The following HPSE2 variants were observed in gnomAD, a reference collection of about 807,000 sequenced individuals.
HPSE2 encodes heparanase 2 (inactive).
Under a neutral mutation model 60.5 loss-of-function variants are expected in HPSE2, and 38 were observed. That is an observed-to-expected ratio of 0.63 (90% CI 0.48 to 0.82). The LOEUF (loss-of-function observed/expected upper bound fraction) is 0.82. Among genes scored for constraint, HPSE2 ranks in the 40% least tolerant of loss-of-function variants. HPSE2 has a pLI of 0.00. For missense variants in HPSE2, 713 were observed against 740.4 expected, an observed-to-expected ratio of 0.96 and a Z score of 0.43; for synonymous variants, 295 against 293.2, an observed-to-expected ratio of 1.01 and a Z score of -0.06.
At position 99,101,894 on chromosome 10, in the gene HPSE2, TA is replaced by T. The variant is rs527768914; in HGVS notation, c.610+42343del. 5.8e-3 allele frequency among the ~76,000 whole-genome samples: 881 copies of T among 152,272 alleles called. 44 individuals carry two copies. Among genetic ancestry groups the T allele is most frequent in the Admixed American group, 0.051 (785 of 15,294 alleles). ...TGCTCCTGAATGACTACTGGGTACA[TA>T]ACGAAAAGAAGGCAGAAATGAAGAT... On this transcript the variant is annotated intron_variant, in intron 3 of 11. Coordinates refer to ENST00000370552, the MANE Select transcript of HPSE2 (RefSeq NM_021828.5).
intron 3 of HPSE2, among the ~76,000 whole-genome samples, chr10:99,061,706 G>A (rs1479607631): frequency 2.0e-5 from 3 of 152,216 alleles, no homozygotes; most frequent in Admixed American, 2.0e-4. Context: ...CACAGACTAT[G>A]GAGCCCTTGG....
At chr10:98,539,968 G>A in intron 9 of HPSE2, among the ~76,000 whole-genome samples, 1 of 152,242 alleles carries the variant, frequency 6.6e-6, no homozygotes. Flanking sequence ...GAGTGAAGAA[G>A]TAGGGAACCG....
At chr10:98,518,712 G>GA (rs56091142) in intron 9 of HPSE2, among the ~76,000 whole-genome samples, 39,317 of 147,014 alleles carry the variant, frequency 0.27, 6,154 homozygotes, top group East Asian at 0.42. Flanking sequence ...ATCCCACGAG[G>GA]AAAAAAAAAA....
intron 6 of HPSE2, among the ~76,000 whole-genome samples, chr10:98,669,379 C>T (rs1250503208): frequency 6.6e-6 from 1 of 152,218 alleles, no homozygotes; most frequent in East Asian, 1.9e-4. Context: ...AATCCCATTA[C>T]TGGGTATATA....
chr10:99,195,128 A>G (rs1005232701), intron 2 of HPSE2, among the ~76,000 whole-genome samples: 2 of 152,188 alleles, frequency 1.3e-5, no homozygotes, highest in East Asian at 3.8e-4. Flanking sequence ...GAAGGACAAA[A>G]AAAGATCATT....
At chr10:99,279,726 G>A in the HPSE2 span, among the ~76,000 whole-genome samples, 1 of 152,186 alleles carries the variant, frequency 6.6e-6, no homozygotes. Flanking sequence ...GGGAAACCAA[G>A]CTATGACAAA....
intron 3 of HPSE2, among the ~76,000 whole-genome samples, chr10:98,885,172 C>T (rs1423466831): frequency 2.0e-5 from 3 of 152,102 alleles, no homozygotes; most frequent in Non-Finnish European, 4.4e-5. Context: ...GGGGAAGTAA[C>T]TTCAGATGTG....
At chr10:99,259,308 C>CAAA in the HPSE2 span, among the ~76,000 whole-genome samples, 3 of 134,228 alleles carry the variant, frequency 2.2e-5, no homozygotes, top group Non-Finnish European at 3.1e-5. Flanking sequence ...CCCCCCCCAC[C>CAAA]AAAAAAAAAA....
At chr10:99,246,059 TAAAC>T in the HPSE2 span, among the ~76,000 whole-genome samples, 4 of 152,198 alleles carry the variant, frequency 2.6e-5, no homozygotes, top group Non-Finnish European at 5.9e-5. Flanking sequence ...ACACATATGT[TAAAC>T]AATATATTTT....
At chr10:98,489,915 A>C (rs1325177791) in intron 10 of HPSE2, 136 bp downstream of exon 10, 1 of 898,254 alleles carries the variant, frequency 1.1e-6, no homozygotes, top group Non-Finnish European at 1.9e-6. Context: ...AAACCTCCAA[A>C]GAGCAGGTAT....
intron 5 of HPSE2, among the ~76,000 whole-genome samples, chr10:98,715,812 A>C (rs1948776652): frequency 6.6e-6 from 1 of 151,978 alleles, no homozygotes; most frequent in South Asian, 2.1e-4. Context: ...CTTGATATGG[A>C]TGGTGCTGAC....
intron 3 of HPSE2, among the ~76,000 whole-genome samples, chr10:98,966,346 C>T (rs756795014): frequency 6.6e-6 from 1 of 151,996 alleles, no homozygotes; most frequent in Non-Finnish European, 1.5e-5. Flanking sequence ...AATAAAGGAG[C>T]TGAAAAAGAG....
At chr10:98,949,830 T>C (rs1022018095) in intron 3 of HPSE2, among the ~76,000 whole-genome samples, 4 of 152,068 alleles carry the variant, frequency 2.6e-5, no homozygotes, top group African/African-American at 7.2e-5. Flanking sequence ...TAAAGACAAG[T>C]TGCATCCCAC....
chr10:98,605,465 A>T, intron 9 of HPSE2, among the ~76,000 whole-genome samples: 1 of 152,336 alleles, frequency 6.6e-6, no homozygotes, highest in Non-Finnish European at 1.5e-5. Flanking sequence ...ATTATCAGTG[A>T]AATTTGTAAA....
chr10:99,046,097 C>A (rs1044104190), intron 3 of HPSE2, among the ~76,000 whole-genome samples: 2 of 152,124 alleles, frequency 1.3e-5, no homozygotes, highest in Non-Finnish European at 2.9e-5. Context: ...TACTAACAAA[C>A]TGAATCCAGC....
At chr10:98,801,649 C>T (rs906507201) in intron 3 of HPSE2, among the ~76,000 whole-genome samples, 6 of 151,764 alleles carry the variant, frequency 4.0e-5, no homozygotes, top group Admixed American at 2.0e-4. Context: ...AGTGAAATAT[C>T]TCTACAATAA....
the HPSE2 span, among the ~76,000 whole-genome samples, chr10:99,269,231 T>C: frequency 6.6e-6 from 1 of 151,136 alleles, no homozygotes; most frequent in Non-Finnish European, 1.5e-5. Context: ...CATAGACCCA[T>C]ATAAAATTAA....
At chr10:98,698,426 T>C (rs946065408) in intron 5 of HPSE2, among the ~76,000 whole-genome samples, 351 of 151,650 alleles carry the variant, frequency 2.3e-3, no homozygotes, top group African/African-American at 7.4e-3. Context: ...GAAATAAAGA[T>C]GTTCTTTGAA....
intron 3 of HPSE2, chr10:99,048,387 CA>C (rs1478956194): frequency 3.7e-6 from 1 of 272,470 alleles, no homozygotes; most frequent in Non-Finnish European, 7.0e-6. Context: ...AATAAGCAAG[CA>C]AAAACAATCC....
Sources: allele counts gnomAD v4.1 joint callset (sites outside exome capture counted in the v4.1 genomes callset), GRCh38; gene constraint gnomAD v4.1.1; transcripts MANE v1.5; gene names NCBI Gene and HGNC (gene_info 2026-07-23, HGNC 2026-07-21).